PDE1A: variants seen among roughly 807,000 people sequenced by gnomAD.
PDE1A encodes dual specificity calcium/calmodulin-dependent 3',5'-cyclic nucleotide phosphodiesterase 1A.
A neutral mutation model predicts 61.7 loss-of-function variants in PDE1A; 35 were observed. The observed-to-expected ratio is 0.57, with a 90% confidence interval of 0.43 to 0.75. PDE1A has a LOEUF of 0.75. PDE1A is among the 30% of genes least tolerant of loss of function. The probability of loss-of-function intolerance (pLI) is 0.00; values close to 1 mark genes in which losing one functional copy is unlikely to be tolerated. For synonymous variants in PDE1A, 232 were observed against 213.2 expected (o/e 1.09, Z -0.77); for missense variants, 597 against 630.6 (o/e 0.95, Z 0.57).
chr2:182,617,574 G>A, the PDE1A span, among the ~76,000 whole-genome samples: 1 of 152,176 alleles, frequency 6.6e-6, no homozygotes, highest in Non-Finnish European at 1.5e-5. Flanking sequence ...TGCAGTTTAT[G>A]TCAGAAATTA....
intron 1 of PDE1A, among the ~76,000 whole-genome samples, chr2:182,266,679 T>G (rs186215657): frequency 1.8e-4 from 27 of 152,298 alleles, no homozygotes; most frequent in Non-Finnish European, 3.1e-4. Flanking sequence ...ACAGATGATG[T>G]GCATGGAGGT....
chr2:182,367,380 T>C (rs1699893778), intron 1 of PDE1A, among the ~76,000 whole-genome samples: 1 of 152,038 alleles, frequency 6.6e-6, no homozygotes, highest in African/African-American at 2.4e-5. Context: ...ACTCAGTAAA[T>C]TTGCTCACAT....
chr2:182,439,065 C>T (rs1684625632), intron 2 of PDE1A, among the ~76,000 whole-genome samples: 1 of 151,748 alleles, frequency 6.6e-6, no homozygotes, highest in South Asian at 2.1e-4. Context: ...ATAAGGTGTA[C>T]TGAATGAAAA....
chr2:182,634,646 C>CA, the PDE1A span, among the ~76,000 whole-genome samples: 2 of 152,078 alleles, frequency 1.3e-5, no homozygotes, highest in Non-Finnish European at 2.9e-5. Context: ...CCTTGAAATG[C>CA]AAAATCTTTC....
At chr2:182,393,810 A>G (rs990779057) in intron 1 of PDE1A, among the ~76,000 whole-genome samples, 7 of 152,218 alleles carry the variant, frequency 4.6e-5, no homozygotes, top group African/African-American at 1.2e-4. Context: ...CTAAAACATA[A>G]GAGTCACCTT....
rs553589799 is a variant in PDE1A at position 182,440,542 on chromosome 2, A to G, written c.101+81734T>C. On this transcript the variant is annotated intron_variant, in intron 2 of 14. Coordinates refer to the PDE1A transcript ENST00000410103. The stretch of plus-strand genomic sequence containing the variant: ...GCAAATGCCTATTGTGTTTTCATTT[A>G]TGAAGAAGAAATAATAAATGCTTGA... Among the ~76,000 whole-genome samples, 22 of 152,220 alleles carry G rather than the reference A, an allele frequency of 1.4e-4. No homozygotes were observed. The South Asian group carries it at 4.6e-3, about 31-fold the overall frequency.
chr2:182,371,425 G>T (rs1199160274), intron 1 of PDE1A, among the ~76,000 whole-genome samples: 1 of 152,144 alleles, frequency 6.6e-6, no homozygotes, highest in Non-Finnish European at 1.5e-5. Context: ...AAAGTTTATT[G>T]TTAACAGGAC....
chr2:182,410,009 A>C (rs917146231), intron 1 of PDE1A, among the ~76,000 whole-genome samples: 2 of 152,152 alleles, frequency 1.3e-5, no homozygotes, highest in Non-Finnish European at 2.9e-5. Flanking sequence ...CGTACAAAAA[A>C]TTTTCAAAAA....
the PDE1A span, among the ~76,000 whole-genome samples, chr2:182,693,474 T>C: frequency 5.3e-5 from 8 of 152,312 alleles, no homozygotes; most frequent in South Asian, 2.1e-4. Flanking sequence ...ATAACTTCTT[T>C]GCATAAATGT....
At chr2:182,713,970 C>T in the PDE1A span, among the ~76,000 whole-genome samples, 1 of 152,286 alleles carries the variant, frequency 6.6e-6, no homozygotes, top group South Asian at 2.1e-4. Flanking sequence ...TCCCTATAAC[C>T]TCCTAATTGC....
the PDE1A span, among the ~76,000 whole-genome samples, chr2:182,536,569 CAG>C: frequency 2.6e-5 from 4 of 151,894 alleles, no homozygotes; most frequent in Admixed American, 2.6e-4. Context: ...GTGATGAAAA[CAG>C]AAAATAAATA....
chr2:182,178,266 A>G (rs1684447764), intron 13 of PDE1A, among the ~76,000 whole-genome samples: 1 of 152,128 alleles, frequency 6.6e-6, no homozygotes, highest in African/African-American at 2.4e-5. Context: ...CTTCCCACCC[A>G]TACTTCCAGA....
chr2:182,187,737 CTTTTTTTTTTTTTTT>C (rs1038970569), intron 11 of PDE1A, among the ~76,000 whole-genome samples: 1 of 66,382 alleles, frequency 1.5e-5, no homozygotes, highest in Admixed American at 2.3e-4. Context: ...TTTTTTTGTT[CTTTTTTTTTTTTTTT>C]TTTTTTTTTT....
chr2:182,386,198 C>T (rs1052270060), intron 1 of PDE1A, among the ~76,000 whole-genome samples: 7 of 152,162 alleles, frequency 4.6e-5, no homozygotes, highest in African/African-American at 1.7e-4. Context: ...CTAGCTACAA[C>T]CTCCACCTCC....
At chr2:182,587,147 T>C in the PDE1A span, among the ~76,000 whole-genome samples, 6 of 152,166 alleles carry the variant, frequency 3.9e-5, no homozygotes, top group South Asian at 2.1e-4. Context: ...GTCAGCATTA[T>C]TGGGGCACAG....
intron 1 of PDE1A, among the ~76,000 whole-genome samples, chr2:182,323,030 T>C (rs1696800717): frequency 1.3e-5 from 2 of 152,192 alleles, no homozygotes; most frequent in Non-Finnish European, 2.9e-5. Flanking sequence ...ATAATATAAC[T>C]ATTCTACATC....
intron 1 of PDE1A, among the ~76,000 whole-genome samples, chr2:182,343,480 A>G (rs1219409101): frequency 1.3e-5 from 2 of 152,198 alleles, no homozygotes; most frequent in East Asian, 3.8e-4. Context: ...TTCTTACAAT[A>G]TTAGTATAAT....
At chr2:182,671,776 C>A in the PDE1A span, among the ~76,000 whole-genome samples, 2 of 142,468 alleles carry the variant, frequency 1.4e-5, no homozygotes, top group Non-Finnish European at 3.1e-5. Flanking sequence ...CCTGCCACCA[C>A]GCCCGGCTAA....
exon 14 of PDE1A, chr2:182,147,146 G>T: frequency 6.3e-7 from 1 of 1,582,132 alleles, no homozygotes; most frequent in South Asian, 1.1e-5. Context: ...ATGAAGATCA[G>T]ATTCACCTAA....
Sources: gnomAD v4.1 joint callset for allele counts (sites outside exome capture counted in the v4.1 genomes callset) on GRCh38, gnomAD v4.1.1 for gene constraint, MANE v1.5 for transcripts, NCBI Gene and HGNC (gene_info 2026-07-23, HGNC 2026-07-21) for gene names.